SGCZ: variants seen among roughly 807,000 people sequenced by gnomAD.
The protein encoded by SGCZ is zeta-sarcoglycan.
A neutral mutation model predicts 41.3 loss-of-function variants in SGCZ; 40 were observed. The observed-to-expected ratio is 0.97, with a 90% CI of 0.75 to 1.26. SGCZ has a LOEUF of 1.26. SGCZ is among the 50% of genes most tolerant of loss of function. The pLI is 0.00. For synonymous variants in SGCZ, 206 were observed against 137.5 expected (o/e 1.50, Z -3.49); for missense variants, 552 against 369.8 (o/e 1.49, Z -4.04).
chr8:14,848,844 A>G (rs1185877773), intron 1 of SGCZ, among the ~76,000 whole-genome samples: 1 of 152,188 alleles, frequency 6.6e-6, no homozygotes. Context: ...GATAAAATGG[A>G]TATCAGAAAA....
chr8:14,128,677 A>T (rs2117052153), intron 5 of SGCZ, among the ~76,000 whole-genome samples: 1 of 152,278 alleles, frequency 6.6e-6, no homozygotes, highest in Admixed American at 6.5e-5. Context: ...GTCTGAATTT[A>T]AAAATGTGAT....
At chr8:15,201,804 C>G (rs1390080139) in intron 1 of SGCZ, among the ~76,000 whole-genome samples, 12 of 152,184 alleles carry the variant, frequency 7.9e-5, no homozygotes, top group Non-Finnish European at 1.8e-4. Context: ...ATATGTGGAG[C>G]ATTTTTTTCA....
At chr8:14,188,833 TG>T (rs11357947) in intron 4 of SGCZ, among the ~76,000 whole-genome samples, 87,968 of 131,540 alleles carry the variant, frequency 0.67, 27,966 homozygotes, top group African/African-American at 0.77. Flanking sequence ...TGTTTTTTTT[TG>T]TTTGTTTGTT....
chr8:14,745,110 T>A (rs1799305072), intron 1 of SGCZ, among the ~76,000 whole-genome samples: 1 of 152,214 alleles, frequency 6.6e-6, no homozygotes, highest in African/African-American at 2.4e-5. Flanking sequence ...TTTCCCTGAC[T>A]GTAAGTTTCA....
chr8:14,160,391 G>A (rs561513383), intron 5 of SGCZ, among the ~76,000 whole-genome samples: 1 of 152,016 alleles, frequency 6.6e-6, no homozygotes, highest in Non-Finnish European at 1.5e-5. Flanking sequence ...CGTGTGTAAA[G>A]GTTTATTCCT....
At chr8:15,226,062 T>A (rs1361556112) in intron 1 of SGCZ, among the ~76,000 whole-genome samples, 1 of 152,138 alleles carries the variant, frequency 6.6e-6, no homozygotes, top group African/African-American at 2.4e-5. Context: ...ATAAAATAAT[T>A]ACAAAGACGT....
At chr8:14,776,708 T>G (rs556401909) in intron 1 of SGCZ, among the ~76,000 whole-genome samples, 1 of 151,932 alleles carries the variant, frequency 6.6e-6, no homozygotes, top group Non-Finnish European at 1.5e-5. Context: ...TTAGCCAGGA[T>G]GGTCTCCATC....
In SGCZ at chr8:15,047,611, A is replaced by C. The variant is rs138604735; in HGVS notation, c.39+189974T>G. Among the ~76,000 whole-genome samples, 136 of 152,144 alleles carry C rather than the reference A, an allele frequency of 8.9e-4. 1 individual carries two copies. Among genetic ancestry groups the C allele is most frequent in the African/African-American group, 3.2e-3 (132 of 41,556 alleles). The stretch of plus-strand genomic sequence containing the variant: ...AGAGAGAGAGTACAGGGATCTCAGG[A>C]GTGTTTATGCCAATGCAAGGATCTC... On this transcript the variant is annotated intron_variant, in intron 1 of 7. Transcript: ENST00000382080.
At chr8:15,127,656 A>G (rs563949089) in intron 1 of SGCZ, among the ~76,000 whole-genome samples, 3 of 152,288 alleles carry the variant, frequency 2.0e-5, no homozygotes, top group African/African-American at 7.2e-5. Context: ...TATTTTTTCA[A>G]TTTTAAAGTA....
chr8:14,806,788 T>G (rs1437804028), intron 1 of SGCZ, among the ~76,000 whole-genome samples: 1 of 152,024 alleles, frequency 6.6e-6, no homozygotes, highest in Admixed American at 6.6e-5. Flanking sequence ...AAAAAGAGAA[T>G]TTTAGACCAA....
At chr8:15,180,805 T>A (rs1800151244) in intron 1 of SGCZ, among the ~76,000 whole-genome samples, 2 of 151,222 alleles carry the variant, frequency 1.3e-5, no homozygotes, top group African/African-American at 2.4e-5. Flanking sequence ...GAGAATGGCA[T>A]GAACCCAGGA....
intron 4 of SGCZ, among the ~76,000 whole-genome samples, chr8:14,198,619 G>T (rs1805354553): frequency 6.6e-6 from 1 of 151,840 alleles, no homozygotes; most frequent in South Asian, 2.1e-4. Flanking sequence ...AGGAAAAAAA[G>T]AACTGATCTT....
intron 2 of SGCZ, among the ~76,000 whole-genome samples, chr8:14,344,687 C>A (rs1014207001): frequency 3.3e-5 from 5 of 151,980 alleles, no homozygotes; most frequent in African/African-American, 1.2e-4. Flanking sequence ...AAGTAATGCA[C>A]AGGATGAATA....
At chr8:15,209,785 A>G (rs1217116705) in intron 1 of SGCZ, among the ~76,000 whole-genome samples, 1 of 152,126 alleles carries the variant, frequency 6.6e-6, no homozygotes, top group African/African-American at 2.4e-5. Context: ...ATTAATTAAA[A>G]AAACTTTTTT....
intron 1 of SGCZ, among the ~76,000 whole-genome samples, chr8:14,559,008 C>T (rs1244495956): frequency 1.3e-5 from 2 of 152,022 alleles, no homozygotes; most frequent in Non-Finnish European, 2.9e-5. Flanking sequence ...CTATGACAAA[C>T]CCTCAGTCAA....
chr8:14,633,741 G>A (rs1277236089), intron 1 of SGCZ, among the ~76,000 whole-genome samples: 2 of 151,770 alleles, frequency 1.3e-5, no homozygotes, highest in African/African-American at 4.8e-5. Flanking sequence ...CTCCAGGCAG[G>A]TAGAGCTTAC....
At chr8:14,653,995 T>C (rs747915272) in intron 1 of SGCZ, among the ~76,000 whole-genome samples, 7 of 152,154 alleles carry the variant, frequency 4.6e-5, no homozygotes, top group African/African-American at 7.2e-5. Flanking sequence ...GCTTGCTCAA[T>C]TGAATTTCTT....
intron 1 of SGCZ, among the ~76,000 whole-genome samples, chr8:15,190,679 G>T (rs565585373): frequency 6.6e-6 from 1 of 151,604 alleles, no homozygotes; most frequent in African/African-American, 2.4e-5. Context: ...TTAAAATTGT[G>T]TGGGGGGAGG....
At chr8:14,374,012 C>T (rs1181095038) in intron 2 of SGCZ, among the ~76,000 whole-genome samples, 2 of 152,022 alleles carry the variant, frequency 1.3e-5, no homozygotes, top group East Asian at 1.9e-4. Context: ...GATATATTAA[C>T]GATTTTAAAA....
Sources: allele counts gnomAD v4.1 joint callset (sites outside exome capture counted in the v4.1 genomes callset), GRCh38; gene constraint gnomAD v4.1.1; transcripts MANE v1.5; gene names NCBI Gene and HGNC (gene_info 2026-07-23, HGNC 2026-07-21).